Variants in CSMD1 observed in about 807,000 individuals in gnomAD.
CSMD1 encodes the protein CUB and Sushi multiple domains 1, also known as CUB and sushi domain-containing protein 1.
Under a neutral mutation model 417.5 loss-of-function variants are expected in CSMD1, and 213 were observed. That is an observed-to-expected ratio of 0.51 (90% CI 0.46 to 0.57). The LOEUF (loss-of-function observed/expected upper bound fraction) is 0.57. Ranked by LOEUF, CSMD1 falls within the 20% of genes least tolerant of loss-of-function variation. The pLI is 0.00. For missense variants in CSMD1, 6,923 were observed against 4,529.7 expected (o/e 1.53, Z -15.17); for synonymous variants, 2,862 against 1,736.8 (o/e 1.65, Z -16.11).
intron 12 of CSMD1, among the ~76,000 whole-genome samples, chr8:3,467,830 T>C (rs1816868448): frequency 1.3e-5 from 2 of 152,244 alleles, no homozygotes; most frequent in Non-Finnish European, 2.9e-5. Flanking sequence ...TCATGGGTAA[T>C]AACTTCTTGT....
intron 3 of CSMD1, among the ~76,000 whole-genome samples, chr8:4,087,805 T>G (rs1467558922): frequency 3.3e-5 from 5 of 152,276 alleles, no homozygotes; most frequent in African/African-American, 9.6e-5. Flanking sequence ...TTATTTTTAT[T>G]TTAGCATTAT....
intron 3 of CSMD1, among the ~76,000 whole-genome samples, chr8:4,341,817 G>A (rs116893887): frequency 2.0e-5 from 3 of 152,144 alleles, no homozygotes; most frequent in Non-Finnish European, 4.4e-5. Flanking sequence ...ATGACTTAAC[G>A]AGCACATCTG....
chr8:4,746,267 T>C (rs1810944584), intron 1 of CSMD1, among the ~76,000 whole-genome samples: 1 of 152,332 alleles, frequency 6.6e-6, no homozygotes, highest in East Asian at 1.9e-4. Flanking sequence ...GATCTTCTTC[T>C]AGGTGACGTA....
chr8:3,833,468 C>G (rs374938547), intron 5 of CSMD1, among the ~76,000 whole-genome samples: 24 of 151,964 alleles, frequency 1.6e-4, no homozygotes, highest in Admixed American at 1.2e-3. Flanking sequence ...TTTATTAATG[C>G]TATCTTATTT....
At chr8:3,905,900 G>A (rs180895535) in intron 5 of CSMD1, among the ~76,000 whole-genome samples, 145 of 152,296 alleles carry the variant, frequency 9.5e-4, no homozygotes, top group South Asian at 2.1e-3. Context: ...CTATTTATTT[G>A]CTCCTTTGCA....
intron 2 of CSMD1, among the ~76,000 whole-genome samples, chr8:4,566,041 A>G (rs935624315): frequency 6.6e-6 from 1 of 151,954 alleles, no homozygotes; most frequent in Non-Finnish European, 1.5e-5. Context: ...GAAACCTCTT[A>G]TAAGGTATTT....
chr8:4,743,098 G>GT (rs1162727796), intron 1 of CSMD1, among the ~76,000 whole-genome samples: 1 of 152,136 alleles, frequency 6.6e-6, no homozygotes, highest in Non-Finnish European at 1.5e-5. Context: ...CTAAGAGTCA[G>GT]TATATAATCT....
intron 7 of CSMD1, among the ~76,000 whole-genome samples, chr8:3,693,799 T>C (rs1800387353): frequency 6.6e-6 from 1 of 151,418 alleles, no homozygotes; most frequent in South Asian, 2.1e-4. Flanking sequence ...GTTGGCGTCG[T>C]GTGTGTGTGT....
At chr8:4,346,491 G>A (rs989040914) in intron 3 of CSMD1, among the ~76,000 whole-genome samples, 2 of 152,078 alleles carry the variant, frequency 1.3e-5, no homozygotes, top group African/African-American at 4.8e-5. Flanking sequence ...TGCTCTGATA[G>A]CCTCATGACA....
At chr8:3,847,848 G>C (rs904281174) in intron 5 of CSMD1, among the ~76,000 whole-genome samples, 4 of 152,076 alleles carry the variant, frequency 2.6e-5, no homozygotes, top group African/African-American at 9.7e-5. Context: ...AGATGTATTT[G>C]CTCCCATTAT....
chr8:4,530,314 C>CTTTTTTTTTTTTTTTTT lies in CSMD1; in HGVS notation c.302+107011_302+107027dup, dbSNP rs759268228. The stretch of plus-strand genomic sequence containing the variant: ...TTCACAGTTTATCGTACAGGTAGTG[C>CTTTTTTTTTTTTTTTTT]TTTTTTTTTTTTTTTTTTTTTTTTT... On this transcript the variant is annotated intron_variant, in intron 2 of 69. Transcript: ENST00000635120. 4.7e-4 allele frequency among the ~76,000 whole-genome samples: 22 copies of CTTTTTTTTTTTTTTTTT among 46,686 alleles called. 3 individuals carry two copies. The highest frequency in any genetic ancestry group is 7.4e-4 in the East Asian group (1 of 1,350). 30.6% of individuals were successfully genotyped at this position (46,686 alleles called of 152,430 possible).
intron 3 of CSMD1, among the ~76,000 whole-genome samples, chr8:4,283,160 T>G (rs1255257104): frequency 6.6e-6 from 1 of 152,224 alleles, no homozygotes; most frequent in African/African-American, 2.4e-5. Context: ...TTTGTGAAGG[T>G]ACGTTGAGAG....
chr8:3,600,186 TC>T (rs1801294226), intron 8 of CSMD1, among the ~76,000 whole-genome samples: 1 of 152,204 alleles, frequency 6.6e-6, no homozygotes, highest in African/African-American at 2.4e-5. Context: ...AACCATTGCT[TC>T]CCGAATCTTT....
intron 3 of CSMD1, among the ~76,000 whole-genome samples, chr8:4,356,043 G>A (rs1042755434): frequency 1.3e-5 from 2 of 152,072 alleles, no homozygotes; most frequent in African/African-American, 4.8e-5. Flanking sequence ...GGAGATCCTG[G>A]TGCACTCATC....
At chr8:3,628,145 G>A (rs1227581838) in intron 7 of CSMD1, among the ~76,000 whole-genome samples, 8 of 152,132 alleles carry the variant, frequency 5.3e-5, no homozygotes, top group South Asian at 2.1e-4. Context: ...CACCTTTGTT[G>A]ACGTGTAAAC....
intron 3 of CSMD1, among the ~76,000 whole-genome samples, chr8:4,112,315 C>A (rs1327240541): frequency 6.6e-6 from 1 of 152,196 alleles, no homozygotes; most frequent in Non-Finnish European, 1.5e-5. Flanking sequence ...TACACAGACT[C>A]CACCCTGGCA....
intron 1 of CSMD1, among the ~76,000 whole-genome samples, chr8:4,983,604 C>A (rs1219023598): frequency 6.6e-6 from 1 of 152,234 alleles, no homozygotes; most frequent in East Asian, 1.9e-4. Context: ...CTGACTGCAA[C>A]CTCTGTCTCT....
chr8:4,047,154 C>G (rs563763616), intron 3 of CSMD1, among the ~76,000 whole-genome samples: 2 of 152,128 alleles, frequency 1.3e-5, no homozygotes, highest in East Asian at 1.9e-4. Flanking sequence ...GCAACGGTTC[C>G]GTGAGCCTGA....
intron 5 of CSMD1, among the ~76,000 whole-genome samples, chr8:3,896,392 G>C (rs533513415): frequency 6.6e-6 from 1 of 152,320 alleles, no homozygotes; most frequent in Admixed American, 6.5e-5. Context: ...GTTAACAACA[G>C]TGATTAATCT....
Sources: allele counts gnomAD v4.1 joint callset (sites outside exome capture counted in the v4.1 genomes callset), GRCh38; gene constraint gnomAD v4.1.1; transcripts MANE v1.5; gene names NCBI Gene and HGNC (gene_info 2026-07-23, HGNC 2026-07-21).